Variants in ERBIN observed in about 807,000 individuals in gnomAD.
ERBIN encodes densin-180-like protein.
In ERBIN, 60 loss-of-function variants were observed where a neutral mutation model predicts 158.4. That is an observed-to-expected ratio of 0.38 (90% CI 0.31 to 0.47). The LOEUF is 0.47. Among genes scored for constraint, ERBIN ranks in the 20% least tolerant of loss-of-function variants. The pLI is 0.99. For synonymous variants in ERBIN, 594 were observed against 557.2 expected (o/e 1.07, Z -0.93); for missense variants, 1,610 against 1,648.0 (o/e 0.98, Z 0.40).
At chr5:66,019,040 T>A (rs147433447) in intron 7 of ERBIN, among the ~76,000 whole-genome samples, 40 of 152,310 alleles carry the variant, frequency 2.6e-4, no homozygotes, top group African/African-American at 9.6e-4. Flanking sequence ...ACATGCTGAT[T>A]TTATATCCTT....
At chr5:66,013,119 C>T (rs1561372415) in intron 5 of ERBIN, among the ~76,000 whole-genome samples, 1 of 152,180 alleles carries the variant, frequency 6.6e-6, no homozygotes, top group Non-Finnish European at 1.5e-5. Context: ...CTATAGTGCA[C>T]AGGGCAGCCT....
intron 21 of ERBIN, among the ~76,000 whole-genome samples, chr5:66,058,934 T>C (rs1759934164): frequency 6.6e-6 from 1 of 152,246 alleles, no homozygotes; most frequent in Non-Finnish European, 1.5e-5. Flanking sequence ...TTTTGGTTAC[T>C]GTAGCCTTGT....
chr5:65,957,535 A>G (rs2150944732), intron 1 of ERBIN, among the ~76,000 whole-genome samples: 1 of 152,296 alleles, frequency 6.6e-6, no homozygotes, highest in African/African-American at 2.4e-5. Context: ...GGTTGGGGGT[A>G]AGGTCATAGA....
intron 1 of ERBIN, among the ~76,000 whole-genome samples, chr5:65,985,931 CTT>C (rs955193294): frequency 1.4e-5 from 2 of 148,012 alleles, no homozygotes; most frequent in Non-Finnish European, 3.0e-5. Context: ...CTCCTTGAAA[CTT>C]TTTTTTTTTC....
intron 21 of ERBIN, among the ~76,000 whole-genome samples, chr5:66,057,821 G>A (rs949179736): frequency 1.6e-4 from 24 of 150,560 alleles, no homozygotes; most frequent in African/African-American, 4.7e-4. Flanking sequence ...TCGTCCTTGT[G>A]ATAGTTTGCT....
intron 18 of ERBIN, 47 bp downstream of exon 18, chr5:66,046,585 T>G (rs1045976218): frequency 2.2e-6 from 3 of 1,385,360 alleles, no homozygotes; most frequent in Non-Finnish European, 2.9e-6. Flanking sequence ...ACTTTCAATT[T>G]AATATTTTAT....
intron 20 of ERBIN, 59 bp from the exon 21 acceptor site, chr5:66,053,347 C>T (rs1029370631): frequency 6.8e-6 from 7 of 1,022,484 alleles, no homozygotes; most frequent in African/African-American, 4.9e-5. Flanking sequence ...TATTAATGTT[C>T]CCTGTTACTA....
intron 1 of ERBIN, among the ~76,000 whole-genome samples, chr5:65,953,331 T>G (rs1052947201): frequency 2.0e-5 from 3 of 152,182 alleles, no homozygotes; most frequent in African/African-American, 7.2e-5. Context: ...TGGGCAGATA[T>G]TTTAGGTTCT....
chr5:65,993,904 C>T (rs1226897862), intron 3 of ERBIN, among the ~76,000 whole-genome samples: 1 of 152,132 alleles, frequency 6.6e-6, no homozygotes, highest in East Asian at 1.9e-4. Flanking sequence ...CTTATACCTA[C>T]TCCTGCAACC....
chr5:66,042,943 T>G (rs1758062002), intron 15 of ERBIN, 134 bp from the exon 16 acceptor site: 1 of 627,664 alleles, frequency 1.6e-6, no homozygotes, highest in Admixed American at 2.9e-5. Context: ...GATTTCTAAT[T>G]TCTTGCATTG....
At chr5:65,966,525 A>G (rs1056836837) in intron 1 of ERBIN, among the ~76,000 whole-genome samples, 1 of 152,032 alleles carries the variant, frequency 6.6e-6, no homozygotes, top group Non-Finnish European at 1.5e-5. Context: ...TACTAAAAAT[A>G]CTAAATTAAC....
intron 14 of ERBIN, among the ~76,000 whole-genome samples, chr5:66,033,120 C>T (rs10059665): frequency 0.058 from 8,771 of 152,222 alleles, 886 homozygotes; most frequent in African/African-American, 0.2. Context: ...CCTTCAGAAG[C>T]TTCTCAAAAT....
rs1752744293 is a variant in ERBIN, at chr5:65,998,995, A to C, written c.307+4131A>C. On this transcript the variant is annotated intron_variant, in intron 4 of 25. Coordinates refer to ENST00000284037, the MANE Select transcript of ERBIN (RefSeq NM_001253697.2). ...CCACCAGTTGTTAGCATTTTGTTAC[A>C]TTTGTCTTACTTTTCTTTTTCATGT... 2.0e-5 allele frequency among the ~76,000 whole-genome samples: 3 copies of C among 151,852 alleles called. No individual in the cohort carries two copies. The South Asian group carries it at 6.2e-4, about 31-fold the overall frequency.
At chr5:66,076,817 G>T in intron 24 of ERBIN, 58 bp from the exon 25 acceptor site, 1 of 1,292,630 alleles carries the variant, frequency 7.7e-7, no homozygotes, top group Non-Finnish European at 1.1e-6. Flanking sequence ...ATTGCTCCTT[G>T]GTACTCTGTT....
chr5:66,046,640 A>G, intron 18 of ERBIN, 102 bp downstream of exon 18: 2 of 948,308 alleles, frequency 2.1e-6, no homozygotes, highest in South Asian at 2.6e-5. Flanking sequence ...AAATATGTTA[A>G]TGCATTCATC....
At chr5:66,034,539 G>A (rs1218782688) in intron 14 of ERBIN, among the ~76,000 whole-genome samples, 2 of 151,568 alleles carry the variant, frequency 1.3e-5, no homozygotes, top group Admixed American at 6.6e-5. Context: ...CACCCACCTC[G>A]GCCTCCCAAA....
Position 66,048,739 on chromosome 5 carries a change from A to G in ERBIN, c.1861A>G (p.Ile621Val), listed in dbSNP as rs1177764608. Residue 621 changes from isoleucine to valine, a missense_variant, in exon 19 of 26, where the codon ATT (isoleucine) becomes GTT (valine). Transcript: ENST00000284037. The stretch of plus-strand genomic sequence containing the variant: ...GCGACCACCATTAATTGAAACCTCT[A>G]TTAACCAGCCAAAAGTCGTAGCACT... Reference protein sequence around the residue: ...EMRPPLIETSINQPKVVALSN... With the variant: ...EMRPPLIETSVNQPKVVALSN... The G allele has an allele frequency of 4.4e-6, 7 of 1,608,054 alleles. No homozygotes were observed. Among genetic ancestry groups the G allele is most frequent in the Non-Finnish European group, 5.9e-6 (7 of 1,177,112 alleles).
intron 1 of ERBIN, among the ~76,000 whole-genome samples, chr5:65,946,350 C>G (rs1745743955): frequency 6.6e-6 from 1 of 151,820 alleles, no homozygotes; most frequent in Admixed American, 6.6e-5. Context: ...GGTGACAGAG[C>G]AAGACTCAGT....
rs771914103 is a variant in ERBIN, at chr5:65,992,813, G to A, written c.95G>A (p.Cys32Tyr). Residue 32 changes from cysteine to tyrosine, a missense_variant, in exon 3 of 26, where the codon TGC becomes TAC. By Grantham distance (194) the Cys-to-Tyr change is radical. Transcript: ENST00000284037. ...ETVTTLDYSH[C>Y]SLEQVPKEIF... ...GTCACTACTCTTGATTATTCTCATT[G>A]CAGCTTAGAACAAGTTCCGAAAGAG... 2 of 1,613,660 alleles carry A rather than the reference G, an allele frequency of 1.2e-6. No homozygotes were observed. Among genetic ancestry groups the A allele is most frequent in the Non-Finnish European group, 1.7e-6 (2 of 1,179,700 alleles).
Sources: gnomAD v4.1 joint callset for allele counts (sites outside exome capture counted in the v4.1 genomes callset) on GRCh38, gnomAD v4.1.1 for gene constraint, MANE v1.5 for transcripts, NCBI Gene and HGNC (gene_info 2026-07-23, HGNC 2026-07-21) for gene names.